ADAM23: variants seen among roughly 807,000 people sequenced by gnomAD.
ADAM23 encodes disintegrin and metalloproteinase domain-containing protein 23.
ADAM23 carries 33 observed loss-of-function variants against 120.1 expected under a neutral mutation model. The observed-to-expected ratio is 0.27, with a 90% CI of 0.21 to 0.37. The LOEUF is 0.37. Among genes scored for constraint, ADAM23 ranks in the 10% least tolerant of loss-of-function variants. The probability of loss-of-function intolerance (pLI) is 1.00; values close to 1 mark genes in which losing one functional copy is unlikely to be tolerated. For synonymous variants in ADAM23, 367 were observed against 375.2 expected (o/e 0.98, Z 0.25); for missense variants, 862 against 1,058.2 (o/e 0.81, Z 2.57).
chr2:206,539,262 G>T (rs575538294), intron 4 of ADAM23, among the ~76,000 whole-genome samples: 77 of 152,254 alleles, frequency 5.1e-4, no homozygotes, highest in African/African-American at 1.8e-3. Flanking sequence ...CTCCATTTCT[G>T]TTGAATTTAA....
intron 2 of ADAM23, among the ~76,000 whole-genome samples, chr2:206,465,485 G>T (rs1412541721): frequency 6.6e-6 from 1 of 152,148 alleles, no homozygotes. Flanking sequence ...AGATAAAAGT[G>T]TTAAATTTAT....
intron 18 of ADAM23, among the ~76,000 whole-genome samples, chr2:206,585,748 A>G (rs1162445689): frequency 6.6e-6 from 1 of 152,192 alleles, no homozygotes; most frequent in African/African-American, 2.4e-5. Flanking sequence ...AGCTCACATT[A>G]TGATGGGGCA....
At chr2:206,566,582 T>C (rs114681968) in intron 14 of ADAM23, among the ~76,000 whole-genome samples, 1,766 of 152,298 alleles carry the variant, frequency 0.012, 38 homozygotes, top group African/African-American at 0.039. Flanking sequence ...TGATTAATAA[T>C]GAATATCACC....
intron 3 of ADAM23, among the ~76,000 whole-genome samples, chr2:206,523,952 G>C (rs1696895381): frequency 6.6e-6 from 1 of 152,110 alleles, no homozygotes; most frequent in African/African-American, 2.4e-5. Flanking sequence ...ATGAAGTTGA[G>C]AGTCTCCGCA....
Position 206,565,048 on chromosome 2 carries a change from C to T in ADAM23, c.1374C>T (p.Gly458=). ...PKCDCTESWG[G]CIMEETGVSH... Reference sequence around the variant, plus strand: ...GTGACTGCACAGAATCCTGGGGTGGCTGCATCATGGAGGAAACAGGGTAAA... The same window carrying T: ...GTGACTGCACAGAATCCTGGGGTGGTTGCATCATGGAGGAAACAGGGTAAA... Residue 458 remains glycine, a synonymous_variant, in exon 14 of 26, where the codon GGC becomes GGT. Coordinates refer to ENST00000264377, the MANE Select transcript of ADAM23 (RefSeq NM_003812.4). The T allele has an allele frequency of 6.2e-7, 1 of 1,614,004 alleles. No homozygotes were observed. Among genetic ancestry groups the T allele is most frequent in the African/African-American group, 1.3e-5 (1 of 75,014 alleles).
At chr2:206,564,662 C>G (rs1293840724) in intron 13 of ADAM23, among the ~76,000 whole-genome samples, 1 of 152,194 alleles carries the variant, frequency 6.6e-6, no homozygotes, top group African/African-American at 2.4e-5. Flanking sequence ...ATGGGACTCT[C>G]TCATATGACA....
intron 25 of ADAM23, among the ~76,000 whole-genome samples, chr2:206,613,290 C>A (rs1698870987): frequency 6.6e-6 from 1 of 152,130 alleles, no homozygotes; most frequent in Admixed American, 6.5e-5. Flanking sequence ...AACTTCCAAC[C>A]TCAGGTGATC....
intron 6 of ADAM23, among the ~76,000 whole-genome samples, chr2:206,544,166 A>G (rs541125453): frequency 2.6e-5 from 4 of 152,334 alleles, no homozygotes; most frequent in African/African-American, 7.2e-5. Flanking sequence ...TCTTTAGACA[A>G]TTGTGTGACT....
chr2:206,523,427 A>T (rs1156290242), intron 3 of ADAM23, among the ~76,000 whole-genome samples: 2 of 152,222 alleles, frequency 1.3e-5, no homozygotes, highest in African/African-American at 4.8e-5. Flanking sequence ...TGTCTGACTT[A>T]ACGCAAAGCC....
intron 2 of ADAM23, among the ~76,000 whole-genome samples, chr2:206,452,845 A>G (rs1262330829): frequency 6.6e-6 from 1 of 151,882 alleles, no homozygotes; most frequent in East Asian, 1.9e-4. Flanking sequence ...CTGCCTATAA[A>G]TAGTCGCTGA....
At chr2:206,580,397 G>A (rs909905183) in intron 18 of ADAM23, among the ~76,000 whole-genome samples, 1 of 152,072 alleles carries the variant, frequency 6.6e-6, no homozygotes, top group Non-Finnish European at 1.5e-5. Flanking sequence ...TCCCTTGTAT[G>A]CCGATTTTGC....
intron 3 of ADAM23, among the ~76,000 whole-genome samples, chr2:206,494,967 C>T (rs373773417): frequency 6.4e-4 from 98 of 152,134 alleles, no homozygotes; most frequent in Non-Finnish European, 9.1e-4. Flanking sequence ...TAAAAAGAAA[C>T]GAACAAAGCC....
chr2:206,500,684 G>C (rs1696369354), intron 3 of ADAM23, among the ~76,000 whole-genome samples: 1 of 152,148 alleles, frequency 6.6e-6, no homozygotes, highest in South Asian at 2.1e-4. Context: ...GAACCTGAGA[G>C]TGTGTATCTT....
chr2:206,445,618 G>A, intron 2 of ADAM23, 94 bp downstream of exon 2: 1 of 1,084,006 alleles, frequency 9.2e-7, no homozygotes, highest in Non-Finnish European at 1.3e-6. Flanking sequence ...AAATTTTACT[G>A]CAGCATTTTA....
intron 2 of ADAM23, among the ~76,000 whole-genome samples, chr2:206,450,994 T>TA (rs1695181796): frequency 6.6e-6 from 1 of 152,120 alleles, no homozygotes; most frequent in Admixed American, 6.6e-5. Context: ...CAGTTACTAG[T>TA]GGAAGGAACA....
At chr2:206,587,062 A>G (rs1270204676) in intron 18 of ADAM23, among the ~76,000 whole-genome samples, 4 of 152,206 alleles carry the variant, frequency 2.6e-5, no homozygotes, top group African/African-American at 7.2e-5. Context: ...TCTGTAGGCA[A>G]GTGAATGTGA....
Position 206,620,534 on chromosome 2 carries a change from T to C in ADAM23, c.*2907T>C, listed in dbSNP as rs1699035595. The stretch of plus-strand genomic sequence containing the variant: ...CTAATTTTTGTGGCGTGGAGATTCT[T>C]TTTTATTAATTTGAGCTCACAGCAC... On this transcript the variant is annotated 3_prime_UTR_variant, in exon 26 of 26. Transcript: ENST00000264377. 1 of 152,182 alleles carries C rather than the reference T, an allele frequency of 6.6e-6. No individual in the cohort carries two copies. The highest frequency in any genetic ancestry group is 6.5e-5 in the Admixed American group (1 of 15,268). 9.4% of individuals were successfully genotyped at this position (152,182 alleles called of 1,614,324 possible). A position where few individuals can be genotyped will look rare whatever the true frequency, so the allele number is the denominator to read the frequency against.
At chr2:206,497,599 G>A (rs1278985588) in intron 3 of ADAM23, among the ~76,000 whole-genome samples, 4 of 152,214 alleles carry the variant, frequency 2.6e-5, no homozygotes, top group South Asian at 2.1e-4. Flanking sequence ...GCACAAGACA[G>A]GGATGCCCTC....
intron 3 of ADAM23, among the ~76,000 whole-genome samples, chr2:206,525,635 A>G (rs1026158747): frequency 1.3e-5 from 2 of 152,148 alleles, no homozygotes; most frequent in African/African-American, 4.8e-5. Flanking sequence ...TCTGTCGCTC[A>G]GGCTGGAATG....
Sources: allele counts gnomAD v4.1 joint callset (sites outside exome capture counted in the v4.1 genomes callset), GRCh38; gene constraint gnomAD v4.1.1; transcripts MANE v1.5; gene names NCBI Gene and HGNC (gene_info 2026-07-23, HGNC 2026-07-21).